The following SLC47A1 variants were observed in gnomAD, a reference collection of about 807,000 sequenced individuals.
SLC47A1 encodes solute carrier family 47 member 1.
In SLC47A1, 58 loss-of-function variants were observed where a neutral mutation model predicts 65.8. That is an observed-to-expected ratio of 0.88 (90% CI 0.71 to 1.10). The LOEUF is 1.10. Ranked by LOEUF, SLC47A1 falls within the 50% of genes least tolerant of loss-of-function variation. The probability of loss-of-function intolerance (pLI) is 0.00; values close to 1 mark genes in which losing one functional copy is unlikely to be tolerated. For missense variants in SLC47A1, 706 were observed against 719.2 expected (o/e 0.98, Z 0.21); for synonymous variants, 285 against 295.0 (o/e 0.97, Z 0.35).
At chr17:19,540,011 C>T (rs1042985253) in intron 1 of SLC47A1, among the ~76,000 whole-genome samples, 5 of 152,070 alleles carry the variant, frequency 3.3e-5, no homozygotes, top group East Asian at 1.9e-4. Flanking sequence ...GGGTTGTTGC[C>T]GTAACCCTGG....
At chr17:19,534,681 C>T (rs1024363784) in intron 1 of SLC47A1, 7 of 152,130 alleles carry the variant, frequency 4.6e-5, no homozygotes, top group Admixed American at 3.9e-4. Context: ...TGTACCACCC[C>T]CTCCCCGCCA....
intron 16 of SLC47A1, among the ~76,000 whole-genome samples, chr17:19,574,358 T>C (rs763502886): frequency 2.7e-4 from 41 of 152,166 alleles, no homozygotes; most frequent in Non-Finnish European, 2.9e-5. Context: ...GTGATCTGGA[T>C]GTAGGTCTCT....
At chr17:19,551,547 C>G (rs1288210448) in intron 6 of SLC47A1, 79 bp downstream of exon 6, 3 of 1,301,114 alleles carry the variant, frequency 2.3e-6, no homozygotes, top group Admixed American at 1.7e-5. Context: ...TGAAGATACT[C>G]CAGGACCAGG....
At chr17:19,573,229 G>A (rs1253759768) in intron 16 of SLC47A1, among the ~76,000 whole-genome samples, 1 of 152,174 alleles carries the variant, frequency 6.6e-6, no homozygotes, top group Admixed American at 6.5e-5. Context: ...TAAACAGGTC[G>A]TTGCTTGGAC....
At chr17:19,571,212 T>C (rs143998122) in intron 14 of SLC47A1, among the ~76,000 whole-genome samples, 36 of 152,268 alleles carry the variant, frequency 2.4e-4, no homozygotes, top group African/African-American at 8.2e-4. Flanking sequence ...AAATATCCTC[T>C]GAATATTTGT....
chr17:19,576,712 G>A (rs921831356), intron 16 of SLC47A1, among the ~76,000 whole-genome samples: 1 of 151,294 alleles, frequency 6.6e-6, no homozygotes, highest in African/African-American at 2.4e-5. Context: ...ATGGGTGTTG[G>A]CTCCTTGAAA....
At chr17:19,567,992 TA>T (rs892694172) in intron 14 of SLC47A1, 91 of 152,332 alleles carry the variant, frequency 6.0e-4, no homozygotes, top group African/African-American at 2.1e-3. Flanking sequence ...CTAATCTTTT[TA>T]AAAAGTACGG....
At chr17:19,540,256 A>C (rs1916104974) in intron 1 of SLC47A1, among the ~76,000 whole-genome samples, 1 of 152,108 alleles carries the variant, frequency 6.6e-6, no homozygotes. Flanking sequence ...GACCGAGCAC[A>C]CTTCCATGTG....
At chr17:19,574,459 G>A (rs1035611182) in intron 16 of SLC47A1, among the ~76,000 whole-genome samples, 14 of 152,254 alleles carry the variant, frequency 9.2e-5, no homozygotes, top group South Asian at 6.2e-4. Context: ...GGTTTCCTTC[G>A]TCCCTGGATC....
intron 12 of SLC47A1, among the ~76,000 whole-genome samples, chr17:19,565,997 C>T (rs575563653): frequency 5.0e-4 from 76 of 152,276 alleles, no homozygotes; most frequent in African/African-American, 1.8e-3. Context: ...GAAATCATCC[C>T]TTTGTCCAAC....
intron 16 of SLC47A1, among the ~76,000 whole-genome samples, chr17:19,574,545 T>C (rs2084424149): frequency 6.6e-6 from 1 of 152,178 alleles, no homozygotes; most frequent in Non-Finnish European, 1.5e-5. Flanking sequence ...TTTATTGAGG[T>C]TCTATAATGA....
At chr17:19,549,567 G>C in intron 4 of SLC47A1, 68 bp from the exon 5 acceptor site, 3 of 1,499,950 alleles carry the variant, frequency 2.0e-6, no homozygotes, top group Middle Eastern at 1.7e-4. Flanking sequence ...ATTTTCTTCT[G>C]CCTAACTTTC....
chr17:19,544,153 T>G, intron 2 of SLC47A1, among the ~76,000 whole-genome samples: 1 of 152,004 alleles, frequency 6.6e-6, no homozygotes, highest in South Asian at 2.1e-4. Context: ...ACCATGTTGG[T>G]CAGGTGGGTC....
intron 15 of SLC47A1, among the ~76,000 whole-genome samples, chr17:19,572,328 C>G (rs2084406005): frequency 6.6e-6 from 1 of 152,064 alleles, no homozygotes; most frequent in Admixed American, 6.6e-5. Context: ...GGCTCTCACT[C>G]TGTCACCCAG....
chr17:19,550,870 G>A (rs1445222522), intron 5 of SLC47A1, among the ~76,000 whole-genome samples: 1 of 152,092 alleles, frequency 6.6e-6, no homozygotes, highest in Non-Finnish European at 1.5e-5. Context: ...GTCTTCTTAT[G>A]AGGACACGAG....
chr17:19,540,338 G>A (rs561776890), intron 1 of SLC47A1, among the ~76,000 whole-genome samples: 1 of 152,212 alleles, frequency 6.6e-6, no homozygotes, highest in Non-Finnish European at 1.5e-5. Flanking sequence ...GTGATGTTCC[G>A]TGGGAAAGGA....
At chr17:19,538,083 G>A (rs1916042737) in intron 1 of SLC47A1, among the ~76,000 whole-genome samples, 1 of 152,220 alleles carries the variant, frequency 6.6e-6, no homozygotes, top group Non-Finnish European at 1.5e-5. Context: ...GGGGTTATAT[G>A]CACTGAAAAT....
At chr17:19,552,873 G>C (rs143160619) in intron 6 of SLC47A1, among the ~76,000 whole-genome samples, 1 of 152,162 alleles carries the variant, frequency 6.6e-6, no homozygotes, top group Non-Finnish European at 1.5e-5. Context: ...GTCAGCGTGC[G>C]CAGGGCCTTG....
Position 19,578,006 on chromosome 17 carries a change from G to C in SLC47A1, c.*453G>C, listed in dbSNP as rs750139585. On this transcript the variant is annotated 3_prime_UTR_variant, in exon 17 of 17. Coordinates refer to ENST00000270570, the MANE Select transcript of SLC47A1 (RefSeq NM_018242.3). Reference sequence around the variant, plus strand: ...GTTTTAATTTTTTTTTTAATAGACGGAAGTCTTGCTCTGTCATGCAGGCTG... The same window carrying C: ...GTTTTAATTTTTTTTTTAATAGACGCAAGTCTTGCTCTGTCATGCAGGCTG... 7.9e-7 allele frequency: 1 copy of C among 1,262,796 alleles called. No homozygotes were observed. The highest frequency in any genetic ancestry group is 1.5e-5 in the African/African-American group (1 of 65,188). The allele number at this position is 1,262,796 out of a possible 1,614,324, so 78.2% of individuals were successfully genotyped here. A position where few individuals can be genotyped will look rare whatever the true frequency, so the allele number is the denominator to read the frequency against.
Sources: gnomAD v4.1 joint callset for allele counts (sites outside exome capture counted in the v4.1 genomes callset) on GRCh38, gnomAD v4.1.1 for gene constraint, MANE v1.5 for transcripts, NCBI Gene and HGNC (gene_info 2026-07-23, HGNC 2026-07-21) for gene names.